Variants in RND3 observed in about 807,000 individuals in gnomAD.
RND3 encodes the protein rho-related GTP-binding protein RhoE.
RND3 carries 8 observed loss-of-function variants against 26.5 expected under a neutral mutation model. The observed-to-expected ratio is 0.30, with a 90% CI of 0.18 to 0.54. The LOEUF is 0.54. Among genes scored for constraint, RND3 ranks in the 20% least tolerant of loss-of-function variants. The pLI, the probability that RND3 is intolerant of heterozygous loss-of-function variation, is 0.94. For synonymous variants in RND3, 113 were observed against 113.0 expected (o/e 1.00, Z 0.00); for missense variants, 207 against 302.8 (o/e 0.68, Z 2.35).
At chr2:150,475,654 T>A (rs1486589891) in intron 3 of RND3, among the ~76,000 whole-genome samples, 1 of 152,192 alleles carries the variant, frequency 6.6e-6, no homozygotes, top group African/African-American at 2.4e-5. Context: ...GTTACCCATC[T>A]CCAAGATGTA....
rs1553461879 is a variant in RND3 at position 150,487,474 on chromosome 2, A to ATATATATATATATATAT, written c.-38-20_-38-19insATATATATATATATATA. 5.0e-3 allele frequency: 1,003 copies of ATATATATATATATATAT among 200,536 alleles called. 4 individuals are homozygous for ATATATATATATATATAT. The highest frequency in any genetic ancestry group is 7.2e-3 in the Non-Finnish European group (825 of 114,452). The allele number at this position is 200,536 out of a possible 1,614,324, so 12.4% of individuals were successfully genotyped here. On this transcript the variant is annotated intron_variant, in intron 1 of 5. Transcript: ENST00000263895. ...ATTTTCTCTTAAGAAGAAAAAAAAAAATATATATATATATATATATTTCTC... is the reference window on the plus strand; with the variant it reads ...ATTTTCTCTTAAGAAGAAAAAAAAAATATATATATATATATATATATATATATATATATATATTTCTC...
intron 5 of RND3, among the ~76,000 whole-genome samples, chr2:150,471,260 C>G: frequency 1.3e-5 from 2 of 152,282 alleles, no homozygotes; most frequent in South Asian, 4.1e-4. Flanking sequence ...GAAATGAAGA[C>G]TCTCTGAAAG....
chr2:150,469,670 C>A lies in RND3; in HGVS notation c.*317G>T. 3 of 271,200 alleles carry A rather than the reference C, an allele frequency of 1.1e-5. No homozygotes were observed. Among genetic ancestry groups the A allele is most frequent in the East Asian group, 7.3e-5 (1 of 13,618 alleles). 16.8% of individuals were successfully genotyped at this position (271,200 alleles called of 1,614,324 possible). ...AAAAAAAAAAACCCAAAAATGCAAG[C>A]ACCATTCAGAGTGTGATTTTTCTTC... On this transcript the variant is annotated 3_prime_UTR_variant, in exon 6 of 6. Coordinates refer to ENST00000263895, the MANE Select transcript of RND3 (RefSeq NM_005168.5).
chr2:150,483,916 T>C (rs565467862), intron 3 of RND3, among the ~76,000 whole-genome samples: 8 of 152,378 alleles, frequency 5.3e-5, no homozygotes, highest in African/African-American at 1.9e-4. Context: ...CATTACCGGA[T>C]AATTTTGCAG....
chr2:150,477,763 T>C (rs1411032737), intron 3 of RND3, among the ~76,000 whole-genome samples: 1 of 152,224 alleles, frequency 6.6e-6, no homozygotes, highest in Admixed American at 6.5e-5. Flanking sequence ...CGGTTAACAG[T>C]ATAAGTGAAA....
chr2:150,474,443 A>G (rs1686134226), intron 4 of RND3, among the ~76,000 whole-genome samples: 1 of 152,196 alleles, frequency 6.6e-6, no homozygotes. Flanking sequence ...TGTTTCTAAT[A>G]ACACCATAAC....
chr2:150,478,264 T>G (rs1221277970), intron 3 of RND3, among the ~76,000 whole-genome samples: 1 of 150,714 alleles, frequency 6.6e-6, no homozygotes, highest in African/African-American at 2.4e-5. Context: ...AACTTTACAG[T>G]GTTTACTCTG....
rs561575226 is a variant in RND3, at chr2:150,469,136, C to T, written c.*851G>A. 2 of 152,728 alleles carry T rather than the reference C, an allele frequency of 1.3e-5. No homozygotes were observed. Among genetic ancestry groups the T allele is most frequent in the East Asian group, 1.9e-4 (1 of 5,178 alleles). 9.5% of individuals were successfully genotyped at this position (152,728 alleles called of 1,614,324 possible). A position where few individuals can be genotyped will look rare whatever the true frequency, so the allele number is the denominator to read the frequency against. On this transcript the variant is annotated 3_prime_UTR_variant, in exon 6 of 6. Coordinates refer to ENST00000263895, the MANE Select transcript of RND3 (RefSeq NM_005168.5). The stretch of plus-strand genomic sequence containing the variant: ...TTTCTCTCCTTGGATCATTCTATGA[C>T]ATCAAACCAAGACACCTTTTATTTG...
At chr2:150,485,065 C>T (rs1389344128) in intron 3 of RND3, among the ~76,000 whole-genome samples, 4 of 152,172 alleles carry the variant, frequency 2.6e-5, no homozygotes, top group African/African-American at 9.7e-5. Context: ...AAATAAGGAA[C>T]CACTTGAATT....
chr2:150,478,579 C>CAAAAAAAA (rs1229770069), intron 3 of RND3, among the ~76,000 whole-genome samples: 3 of 106,368 alleles, frequency 2.8e-5, no homozygotes, highest in Non-Finnish European at 5.7e-5. Flanking sequence ...AGCCAAACGG[C>CAAAAAAAA]AAAAAAAAAA....
intron 3 of RND3, among the ~76,000 whole-genome samples, chr2:150,482,164 A>G (rs1045030648): frequency 3.9e-5 from 6 of 152,240 alleles, no homozygotes; most frequent in Admixed American, 2.0e-4. Flanking sequence ...TGAATTGAAT[A>G]TGTTAAAAGT....
Position 150,469,968 on chromosome 2 carries a change from A to C in RND3, c.*19T>G. On this transcript the variant is annotated 3_prime_UTR_variant, in exon 6 of 6. Transcript: ENST00000263895. ...TTTTACACTAGATTCCTTTGTCTTC[A>C]TTAAAGATAATGAAAGATTCACATC... The C allele has an allele frequency of 6.2e-7, 1 of 1,611,710 alleles. No homozygotes were observed. The highest frequency in any genetic ancestry group is 8.5e-7 in the Non-Finnish European group (1 of 1,178,452).
chr2:150,471,566 T>G, intron 5 of RND3, 61 bp downstream of exon 5: 1 of 1,377,280 alleles, frequency 7.3e-7, no homozygotes, highest in Non-Finnish European at 1.0e-6. Context: ...TTATTATGAG[T>G]GATAGTCCAT....
intron 3 of RND3, among the ~76,000 whole-genome samples, chr2:150,477,491 G>T (rs1228217754): frequency 2.6e-5 from 4 of 152,136 alleles, no homozygotes; most frequent in Non-Finnish European, 4.4e-5. Context: ...ATGACTGCTG[G>T]GAATACCCCT....
chr2:150,485,254 A>C (rs1332432514), intron 3 of RND3: 2 of 152,254 alleles, frequency 1.3e-5, no homozygotes, highest in Admixed American at 6.5e-5. Flanking sequence ...CGACCATGAG[A>C]GGCGCTCGCT....
intron 5 of RND3, 38 bp downstream of exon 5, chr2:150,471,589 T>C: frequency 6.5e-7 from 1 of 1,538,614 alleles, no homozygotes; most frequent in South Asian, 1.2e-5. Context: ...CTTTCACTCT[T>C]TCTAAAATCC....
At chr2:150,477,506 C>A (rs192674187) in intron 3 of RND3, among the ~76,000 whole-genome samples, 108 of 152,300 alleles carry the variant, frequency 7.1e-4, no homozygotes, top group East Asian at 4.8e-3. Flanking sequence ...ACCCCTCCCC[C>A]CTTTGTGGAC....
At chr2:150,470,373 T>C (rs1392586631) in intron 5 of RND3, 135 bp from the exon 6 acceptor site, 3 of 935,264 alleles carry the variant, frequency 3.2e-6, no homozygotes, top group East Asian at 5.2e-5. Flanking sequence ...CCAAGTGTCA[T>C]TGCAAAAAAA....
Position 150,486,506 on chromosome 2 carries a change from A to G in RND3, c.238+188T>C, listed in dbSNP as rs1686366076. Among the ~76,000 whole-genome samples, 1 of 152,176 alleles carries G rather than the reference A, an allele frequency of 6.6e-6. No homozygotes were observed. Among genetic ancestry groups the G allele is most frequent in the African/African-American group, 2.4e-5 (1 of 41,454 alleles). ...ACAGCGCTCTCCTCTCCCCACTGCT[A>G]TCTCCTCGTCCACGCTGTCGTCTGC... On this transcript the variant is annotated intron_variant, in intron 3 of 5. Transcript: ENST00000263895. The surrounding 1 kb of genome is among the most constrained non-coding windows in gnomAD (Gnocchi z 4.5).
Sources: allele counts gnomAD v4.1 joint callset (sites outside exome capture counted in the v4.1 genomes callset), GRCh38; gene constraint gnomAD v4.1.1; non-coding constraint Gnocchi (gnomAD v3.1); transcripts MANE v1.5; gene names NCBI Gene and HGNC (gene_info 2026-07-23, HGNC 2026-07-21).